PPP1R17: variants seen among roughly 807,000 people sequenced by gnomAD.
PPP1R17 encodes G-substrate.
A neutral mutation model predicts 15.9 loss-of-function variants in PPP1R17; 12 were observed. The ratio of observed to expected loss-of-function variants is 0.75; its 90% CI spans 0.48 to 1.22. The LOEUF (loss-of-function observed/expected upper bound fraction) is 1.22. PPP1R17 is among the 50% of genes most tolerant of loss of function. The pLI is 0.00. For missense variants in PPP1R17, 211 were observed against 187.3 expected, an observed-to-expected ratio of 1.13 and a Z score of -0.74; for synonymous variants, 63 against 64.5, an observed-to-expected ratio of 0.98 and a Z score of 0.11.
Position 31,707,261 on chromosome 7 carries a change from A to G in PPP1R17, c.446A>G (p.Asp149Gly). The change falls in exon 5 of 5, where the codon GAT becomes GGT. Residue 149 changes from aspartate to glycine, a missense_variant. Coordinates refer to ENST00000342032, the MANE Select transcript of PPP1R17 (RefSeq NM_006658.5). ...GCAATCGTGGAAGATGACGAAAAGG[A>G]TGGTGACAAGATAGCTATTTAAAGA... ...PKAIVEDDEK[D>G]GDKIAI The G allele has an allele frequency of 3.1e-6, 5 of 1,614,028 alleles. No homozygotes were observed. The highest frequency in any genetic ancestry group is 4.2e-6 in the Non-Finnish European group (5 of 1,179,912).
chr7:31,705,551 A>G (rs1466322810), intron 4 of PPP1R17, among the ~76,000 whole-genome samples: 3 of 152,202 alleles, frequency 2.0e-5, no homozygotes, highest in Non-Finnish European at 4.4e-5. Context: ...TCCAATAAAT[A>G]CCAGCTAATT....
intron 1 of PPP1R17, among the ~76,000 whole-genome samples, chr7:31,689,366 C>T (rs6953623): frequency 0.25 from 37,419 of 152,038 alleles, 5,882 homozygotes; most frequent in African/African-American, 0.44. Flanking sequence ...ATGCAGAGGA[C>T]CAACTATGCA....
In PPP1R17 at chr7:31,707,980, A is replaced by G. The variant is rs1370099627; in HGVS notation, c.*697A>G. The G allele has an allele frequency of 6.6e-6, 1 of 152,254 alleles. No homozygotes were observed. The highest frequency in any genetic ancestry group is 2.4e-5 in the African/African-American group (1 of 41,466). The allele number at this position is 152,254 out of a possible 1,614,324, so 9.4% of individuals were successfully genotyped here. A position where few individuals can be genotyped will look rare whatever the true frequency, so the allele number is the denominator to read the frequency against. ...ATTTTTGTTTTTAAAAATATTTCTT[A>G]AACATGCTGTCCCAACATTTGTGAG... On this transcript the variant is annotated 3_prime_UTR_variant, in exon 5 of 5. Coordinates refer to ENST00000342032, the MANE Select transcript of PPP1R17 (RefSeq NM_006658.5).
chr7:31,704,729 G>A (rs886960083), intron 4 of PPP1R17, among the ~76,000 whole-genome samples: 6 of 152,094 alleles, frequency 3.9e-5, no homozygotes, highest in African/African-American at 1.2e-4. Flanking sequence ...CCAATTTTAC[G>A]GGTGAATAAA....
intron 1 of PPP1R17, among the ~76,000 whole-genome samples, chr7:31,690,709 C>T (rs1792307991): frequency 6.6e-6 from 1 of 152,150 alleles, no homozygotes; most frequent in African/African-American, 2.4e-5. Flanking sequence ...ACCGCCTTAC[C>T]TTTCAAGGGT....
chr7:31,689,440 C>A (rs994643133), intron 1 of PPP1R17, among the ~76,000 whole-genome samples: 3 of 152,140 alleles, frequency 2.0e-5, no homozygotes, highest in Admixed American at 2.0e-4. Context: ...ATGAAACCTT[C>A]CCTGGGCAGC....
intron 4 of PPP1R17, among the ~76,000 whole-genome samples, chr7:31,698,071 C>G (rs1792678363): frequency 6.6e-6 from 1 of 152,174 alleles, no homozygotes; most frequent in African/African-American, 2.4e-5. Flanking sequence ...TCTATCTCAC[C>G]TTTGGGCAGT....
intron 1 of PPP1R17, among the ~76,000 whole-genome samples, chr7:31,689,611 C>T (rs957351145): frequency 1.3e-5 from 2 of 152,066 alleles, no homozygotes; most frequent in Non-Finnish European, 2.9e-5. Context: ...TCATAAAGAG[C>T]GCCCCTTCTC....
At chr7:31,701,418 C>A (rs1363750386) in intron 4 of PPP1R17, among the ~76,000 whole-genome samples, 1 of 152,172 alleles carries the variant, frequency 6.6e-6, no homozygotes, top group Non-Finnish European at 1.5e-5. Flanking sequence ...TGAAGAGTTG[C>A]TTCTGATAGA....
rs1583862622 is a variant in PPP1R17 at position 31,706,628 on chromosome 7, G to A, written c.389-576G>A. Among the ~76,000 whole-genome samples the A allele has an allele frequency of 5.3e-5, 8 of 152,236 alleles. 1 individual carries two copies. In the South Asian group the frequency reaches 1.7e-3, roughly 32 times the overall value. ...AGAGCCTGAGCTCAATATTTCCCTG[G>A]ATGTAGTAAAATGCTTTTAAGTTTG... On this transcript the variant is annotated intron_variant, in intron 4 of 4. Transcript: ENST00000342032.
At chr7:31,698,455 AG>A in intron 4 of PPP1R17, among the ~76,000 whole-genome samples, 1 of 152,308 alleles carries the variant, frequency 6.6e-6, no homozygotes, top group South Asian at 2.1e-4. Context: ...TGGTCATGCC[AG>A]GGACAACTCT....
chr7:31,699,022 C>T (rs1251226111), intron 4 of PPP1R17, among the ~76,000 whole-genome samples: 1 of 152,122 alleles, frequency 6.6e-6, no homozygotes, highest in Non-Finnish European at 1.5e-5. Flanking sequence ...GGAAAACAAA[C>T]CCCAAAGAAA....
chr7:31,703,150 G>T (rs1019728763), intron 4 of PPP1R17, among the ~76,000 whole-genome samples: 6 of 152,188 alleles, frequency 3.9e-5, no homozygotes, highest in African/African-American at 1.4e-4. Context: ...TAAACTACTT[G>T]GCAGAGCTCT....
intron 2 of PPP1R17, among the ~76,000 whole-genome samples, chr7:31,693,167 A>C (rs566553040): frequency 2.0e-5 from 3 of 152,096 alleles, no homozygotes; most frequent in South Asian, 4.1e-4. Flanking sequence ...ATTTGCCATC[A>C]AGATATTTTA....
chr7:31,689,045 G>T (rs1277388742), intron 1 of PPP1R17, among the ~76,000 whole-genome samples: 1 of 152,152 alleles, frequency 6.6e-6, no homozygotes, highest in Non-Finnish European at 1.5e-5. Context: ...AGAAATAATG[G>T]ATGTGACTGC....
chr7:31,696,680 G>T (rs1792597097), intron 3 of PPP1R17, among the ~76,000 whole-genome samples: 1 of 152,114 alleles, frequency 6.6e-6, no homozygotes, highest in Non-Finnish European at 1.5e-5. Flanking sequence ...ACATTTCTTT[G>T]CCTGACTTCC....
chr7:31,697,482 T>C (rs1792644215), intron 4 of PPP1R17, among the ~76,000 whole-genome samples: 1 of 152,140 alleles, frequency 6.6e-6, no homozygotes. Context: ...ACACTTGGAC[T>C]AATTGGCCAA....
chr7:31,694,387 A>AACACACACACACACACACACACACACAC lies in PPP1R17; in HGVS notation c.83-1080_83-1053dup, dbSNP rs533091870. ...ATTTTAGCTCTCTCTCTCTCTCTCA[A>AACACACACACACACACACACACACACAC]ACACACACACACACACACACACACA... On this transcript the variant is annotated intron_variant, in intron 2 of 4. Coordinates refer to ENST00000342032, the MANE Select transcript of PPP1R17 (RefSeq NM_006658.5). Among the ~76,000 whole-genome samples the AACACACACACACACACACACACACACAC allele has an allele frequency of 6.3e-4, 89 of 141,672 alleles. 1 individual carries two copies. The highest frequency in any genetic ancestry group is 1.6e-3 in the South Asian group (7 of 4,358). 92.9% of individuals were successfully genotyped at this position (141,672 alleles called of 152,430 possible).
intron 4 of PPP1R17, among the ~76,000 whole-genome samples, chr7:31,702,976 G>C (rs1792918291): frequency 6.6e-6 from 1 of 152,132 alleles, no homozygotes; most frequent in Non-Finnish European, 1.5e-5. Context: ...ATGGTCTTTG[G>C]ATTCACAAAG....
Sources: allele counts gnomAD v4.1 joint callset (sites outside exome capture counted in the v4.1 genomes callset), GRCh38; gene constraint gnomAD v4.1.1; transcripts MANE v1.5; gene names NCBI Gene and HGNC (gene_info 2026-07-23, HGNC 2026-07-21).